Variants in ROCK2 observed in about 807,000 individuals in gnomAD.
ROCK2 encodes the protein rho-associated protein kinase 2.
ROCK2 carries 61 observed loss-of-function variants against 195.1 expected under a neutral mutation model. The ratio of observed to expected loss-of-function variants is 0.31; its 90% confidence interval spans 0.25 to 0.39. ROCK2 has a LOEUF of 0.39. Among genes scored for constraint, ROCK2 ranks in the 10% least tolerant of loss-of-function variants. The pLI, the probability that ROCK2 is intolerant of heterozygous loss-of-function variation, is 1.00. For missense variants in ROCK2, 1,109 were observed against 1,637.4 expected, an observed-to-expected ratio of 0.68 and a Z score of 5.57; for synonymous variants, 504 against 545.5, an observed-to-expected ratio of 0.92 and a Z score of 1.06.
chr2:11,251,216 C>CAAACCCAATGAAG (rs1665820201), intron 3 of ROCK2, among the ~76,000 whole-genome samples: 1 of 152,194 alleles, frequency 6.6e-6, no homozygotes, highest in Non-Finnish European at 1.5e-5. Flanking sequence ...TCACCTATTT[C>CAAACCCAATGAAG]TCAGCACCAG....
chr2:11,252,067 C>A (rs866716594), intron 3 of ROCK2, among the ~76,000 whole-genome samples: 1 of 151,952 alleles, frequency 6.6e-6, no homozygotes, highest in Admixed American at 6.6e-5. Context: ...TTGGTGGGAG[C>A]GTAAATTAGT....
intron 3 of ROCK2, among the ~76,000 whole-genome samples, chr2:11,258,086 A>T (rs530928391): frequency 8.6e-5 from 13 of 151,366 alleles, no homozygotes; most frequent in African/African-American, 3.2e-4. Context: ...TCTGCTTTTC[A>T]TAAAAGCACA....
At chr2:11,194,024 C>A in intron 29 of ROCK2, 167 bp from the exon 30 acceptor site, 1 of 440,694 alleles carries the variant, frequency 2.3e-6, no homozygotes, top group Non-Finnish European at 3.9e-6. Context: ...TTTTTAGAAA[C>A]CTCTATGTCA....
At chr2:11,338,637 C>T (rs1274202615) in intron 1 of ROCK2, among the ~76,000 whole-genome samples, 2 of 151,934 alleles carry the variant, frequency 1.3e-5, no homozygotes, top group African/African-American at 2.4e-5. Context: ...AACCAATCCC[C>T]GGAGAACACC....
chr2:11,338,055 C>A (rs1272723411), intron 1 of ROCK2, among the ~76,000 whole-genome samples: 1 of 152,086 alleles, frequency 6.6e-6, no homozygotes, highest in Non-Finnish European at 1.5e-5. Context: ...GTATTAAGAG[C>A]CAAAGTAGGC....
intron 1 of ROCK2, among the ~76,000 whole-genome samples, chr2:11,333,560 G>T (rs1668833628): frequency 6.6e-6 from 1 of 152,110 alleles, no homozygotes; most frequent in East Asian, 1.9e-4. Context: ...ACATGAAACA[G>T]TTTAAAGCCA....
intron 4 of ROCK2, among the ~76,000 whole-genome samples, chr2:11,246,561 G>A (rs1278643324): frequency 6.6e-6 from 1 of 151,872 alleles, no homozygotes; most frequent in Non-Finnish European, 1.5e-5. Context: ...ACCCGCAAAT[G>A]AATAAAAGTT....
chr2:11,239,530 C>T (rs1241696382), intron 4 of ROCK2, among the ~76,000 whole-genome samples: 2 of 152,116 alleles, frequency 1.3e-5, no homozygotes, highest in East Asian at 1.9e-4. Flanking sequence ...ATGTACCTAC[C>T]TAAAAGAAAT....
At position 11,207,683 on chromosome 2, in the gene ROCK2, T is replaced by C. The variant is rs376638445; in HGVS notation, c.2549+43A>G. ...AGATACACCAAAATTAACTTATACA[T>C]GGATAATTATGCATATTAAAACATC... On this transcript the variant is annotated intron_variant, in intron 20 of 32. Coordinates refer to ENST00000315872, the MANE Select transcript of ROCK2 (RefSeq NM_004850.5). The C allele has an allele frequency of 1.2e-4, 179 of 1,446,302 alleles. 2 individuals are homozygous for C. The Middle Eastern group carries it at 1.7e-3, about 14-fold the overall frequency. 89.6% of individuals were successfully genotyped at this position (1,446,302 alleles called of 1,614,324 possible). A position where few individuals can be genotyped will look rare whatever the true frequency, so the allele number is the denominator to read the frequency against.
intron 32 of ROCK2, chr2:11,184,859 C>T: frequency 4.5e-6 from 3 of 672,568 alleles, no homozygotes; most frequent in Non-Finnish European, 5.5e-6. Context: ...TTTGAATGTG[C>T]TTGTAAGCAT....
chr2:11,220,749 T>C (rs2148074972), intron 9 of ROCK2, among the ~76,000 whole-genome samples: 1 of 152,264 alleles, frequency 6.6e-6, no homozygotes, highest in South Asian at 2.1e-4. Flanking sequence ...AAACCTTTTC[T>C]TGTTAGACTT....
chr2:11,330,740 G>A (rs1668693769), intron 1 of ROCK2, among the ~76,000 whole-genome samples: 1 of 43,256 alleles, frequency 2.3e-5, no homozygotes, highest in African/African-American at 7.2e-5. Flanking sequence ...AAGATGAGGA[G>A]GGAGGAGGGA....
intron 5 of ROCK2, among the ~76,000 whole-genome samples, chr2:11,230,656 A>G (rs988169225): frequency 7.2e-5 from 11 of 152,220 alleles, no homozygotes; most frequent in Non-Finnish European, 1.6e-4. Flanking sequence ...CAGATAATCA[A>G]GTATGCATTT....
chr2:11,246,085 C>T (rs1402111176), intron 4 of ROCK2, among the ~76,000 whole-genome samples: 2 of 152,110 alleles, frequency 1.3e-5, no homozygotes, highest in African/African-American at 4.8e-5. Context: ...TATATCAAGA[C>T]ACTGAGCACA....
chr2:11,333,465 CT>C (rs1423813717), intron 1 of ROCK2, among the ~76,000 whole-genome samples: 1 of 152,080 alleles, frequency 6.6e-6, no homozygotes, highest in African/African-American at 2.4e-5. Context: ...AAATTCCATT[CT>C]TTCTGTAACT....
chr2:11,319,118 T>C (rs972813287), intron 1 of ROCK2, among the ~76,000 whole-genome samples: 48 of 152,170 alleles, frequency 3.2e-4, no homozygotes, highest in Non-Finnish European at 6.0e-4. Flanking sequence ...AACTTTAAAG[T>C]AGTTTTTTCC....
chr2:11,326,910 G>A (rs1281816141), intron 1 of ROCK2, among the ~76,000 whole-genome samples: 2 of 152,130 alleles, frequency 1.3e-5, no homozygotes, highest in Admixed American at 1.3e-4. Context: ...CATGAAGGGG[G>A]GAGACCATCC....
chr2:11,218,513 T>A, intron 10 of ROCK2, 47 bp from the exon 11 acceptor site: 1 of 1,304,498 alleles, frequency 7.7e-7, no homozygotes. Context: ...AAAATGATGG[T>A]TATATTCTGT....
At chr2:11,328,973 C>T (rs1038978103) in intron 1 of ROCK2, among the ~76,000 whole-genome samples, 1 of 151,034 alleles carries the variant, frequency 6.6e-6, no homozygotes, top group Non-Finnish European at 1.5e-5. Flanking sequence ...TGCTAAATGA[C>T]GAGTTAATGG....
Sources: gnomAD v4.1 joint callset for allele counts (sites outside exome capture counted in the v4.1 genomes callset) on GRCh38, gnomAD v4.1.1 for gene constraint, MANE v1.5 for transcripts, NCBI Gene and HGNC (gene_info 2026-07-23, HGNC 2026-07-21) for gene names.